TSHZ2: variants seen among roughly 807,000 people sequenced by gnomAD.
The protein encoded by TSHZ2 is teashirt zinc finger homeobox 2, also known as teashirt homolog 2.
In TSHZ2, 21 loss-of-function variants were observed where a neutral mutation model predicts 74.4. The observed-to-expected ratio is 0.28, with a 90% CI of 0.20 to 0.41. The LOEUF is 0.41. Among genes scored for constraint, TSHZ2 ranks in the 10% least tolerant of loss-of-function variants. The pLI, the probability that TSHZ2 is intolerant of heterozygous loss-of-function variation, is 1.00. For synonymous variants in TSHZ2, 540 were observed against 515.3 expected, an observed-to-expected ratio of 1.05 and a Z score of -0.65; for missense variants, 1,244 against 1,293.5, an observed-to-expected ratio of 0.96 and a Z score of 0.59.
chr20:53,363,171 T>C (rs1369555161), intron 2 of TSHZ2, among the ~76,000 whole-genome samples: 2 of 152,380 alleles, frequency 1.3e-5, no homozygotes. Flanking sequence ...CTGCCCATGG[T>C]GGGCCCTGCC....
intron 1 of TSHZ2, among the ~76,000 whole-genome samples, chr20:53,071,524 G>A (rs1483692524): frequency 6.6e-6 from 1 of 152,148 alleles, no homozygotes; most frequent in Non-Finnish European, 1.5e-5. Flanking sequence ...CTTCTTTCCT[G>A]TTCATGGGTC....
At chr20:53,338,940 C>A (rs1255761658) in intron 2 of TSHZ2, among the ~76,000 whole-genome samples, 1 of 152,182 alleles carries the variant, frequency 6.6e-6, no homozygotes, top group Non-Finnish European at 1.5e-5. Flanking sequence ...TGATGGGAAG[C>A]ACTGATGAAG....
chr20:53,229,824 G>A (rs1336631099), intron 1 of TSHZ2, among the ~76,000 whole-genome samples: 1 of 146,980 alleles, frequency 6.8e-6, no homozygotes, highest in East Asian at 2.0e-4. Flanking sequence ...AAAAAAAGAG[G>A]GAGGAAGAGA....
At chr20:53,443,932 C>T (rs995825221) in intron 2 of TSHZ2, among the ~76,000 whole-genome samples, 2 of 152,126 alleles carry the variant, frequency 1.3e-5, no homozygotes, top group African/African-American at 2.4e-5. Flanking sequence ...AGGGCATTCG[C>T]AGAGTGGATG....
At chr20:53,291,137 C>T (rs76234075) in intron 2 of TSHZ2, among the ~76,000 whole-genome samples, 2,322 of 152,228 alleles carry the variant, frequency 0.015, 71 homozygotes, top group African/African-American at 0.052. Context: ...CACCAATTCA[C>T]GGTGAGGGGT....
In TSHZ2 at chr20:53,488,071, T is replaced by C. The variant is rs1986342698; in HGVS notation, c.*936T>C. ...CCCTTTCTGCAGAACCTGATGTTTA[T>C]GGGCTCTAAAACGCAGCTTAGCTTT... On this transcript the variant is annotated 3_prime_UTR_variant, in exon 3 of 3. Coordinates refer to ENST00000371497, the MANE Select transcript of TSHZ2 (RefSeq NM_173485.6). 6.6e-6 allele frequency: 1 copy of C among 152,218 alleles called. No individual in the cohort carries two copies. Among genetic ancestry groups the C allele is most frequent in the South Asian group, 2.1e-4 (1 of 4,832 alleles). 9.4% of individuals were successfully genotyped at this position (152,218 alleles called of 1,614,324 possible). A position where few individuals can be genotyped will look rare whatever the true frequency, so the allele number is the denominator to read the frequency against.
intron 2 of TSHZ2, among the ~76,000 whole-genome samples, chr20:53,318,649 C>T (rs1979123527): frequency 6.6e-6 from 1 of 152,160 alleles, no homozygotes; most frequent in Non-Finnish European, 1.5e-5. Flanking sequence ...GAAGAAGGGA[C>T]AGTTGCTAGG....
At chr20:53,067,091 T>A (rs1985015097) in intron 1 of TSHZ2, among the ~76,000 whole-genome samples, 2 of 152,342 alleles carry the variant, frequency 1.3e-5, no homozygotes, top group African/African-American at 4.8e-5. Flanking sequence ...TCTATGTGGT[T>A]GGATGAGAAC....
At chr20:53,160,778 C>A (rs1255667112) in intron 1 of TSHZ2, among the ~76,000 whole-genome samples, 1 of 144,150 alleles carries the variant, frequency 6.9e-6, no homozygotes, top group African/African-American at 2.8e-5. Context: ...TTTCAGTTTG[C>A]CCTTTCTAGA....
chr20:53,177,661 C>A (rs1336230781), intron 1 of TSHZ2, among the ~76,000 whole-genome samples: 2 of 152,114 alleles, frequency 1.3e-5, no homozygotes, highest in Admixed American at 6.5e-5. Context: ...AGTATACAGA[C>A]AAATATGTTA....
At chr20:53,449,738 CA>C (rs1211649676) in intron 2 of TSHZ2, among the ~76,000 whole-genome samples, 3 of 150,848 alleles carry the variant, frequency 2.0e-5, no homozygotes, top group African/African-American at 4.9e-5. Flanking sequence ...ATTAATTATT[CA>C]TTTATTGATT....
chr20:53,342,630 C>T (rs567556370), intron 2 of TSHZ2, among the ~76,000 whole-genome samples: 15 of 152,222 alleles, frequency 9.9e-5, no homozygotes, highest in East Asian at 5.8e-4. Flanking sequence ...TAGACACTCA[C>T]GTATGCCCAT....
rs765271816 is a variant in TSHZ2 at position 53,256,282 on chromosome 20, A to G, written c.2824A>G (p.Ile942Val). 2 of 1,614,000 alleles carry G rather than the reference A, an allele frequency of 1.2e-6. No homozygotes were observed. The highest frequency in any genetic ancestry group is 1.7e-6 in the Non-Finnish European group (2 of 1,180,000). ...CCAGTTCAGAACCCCTTCTACCTAC[A>G]TCAGTCACTTAGAATCTCACCTGGG... ...ASQFRTPSTY[I>V]SHLESHLGFQ... Residue 942 changes from isoleucine (I) to valine (V), a missense_variant, in exon 2 of 3, where the codon ATC (isoleucine) becomes GTC (valine). Physicochemically the swap from Ile to Val is conservative, Grantham distance 29. This residue lies in a region of TSHZ2 where 185 missense variants were observed against 213.3 expected (regional missense o/e 0.87). Coordinates refer to ENST00000371497, the MANE Select transcript of TSHZ2 (RefSeq NM_173485.6). The surrounding 1 kb of genome is among the most constrained non-coding windows in gnomAD (Gnocchi z 4.3).
At chr20:53,469,899 G>GAGGAAGGAAGGA (rs747268726) in intron 2 of TSHZ2, among the ~76,000 whole-genome samples, 2 of 88,366 alleles carry the variant, frequency 2.3e-5, no homozygotes, top group African/African-American at 4.1e-5. Flanking sequence ...GAGAGGAAAG[G>GAGGAAGGAAGGA]AGGAAGGAAG....
intron 2 of TSHZ2, among the ~76,000 whole-genome samples, chr20:53,472,842 C>A (rs574466894): frequency 6.6e-6 from 1 of 151,880 alleles, no homozygotes; most frequent in African/African-American, 2.4e-5. Context: ...TTGCCTCACT[C>A]GGGAAGCGCA....
intron 2 of TSHZ2, among the ~76,000 whole-genome samples, chr20:53,410,649 T>C (rs939323904): frequency 6.7e-6 from 1 of 149,312 alleles, no homozygotes; most frequent in Non-Finnish European, 1.5e-5. Flanking sequence ...TTTATGAAAA[T>C]GTAAAATCCA....
chr20:53,328,341 GC>G (rs1979581803), intron 2 of TSHZ2, among the ~76,000 whole-genome samples: 1 of 152,226 alleles, frequency 6.6e-6, no homozygotes. Context: ...CACTGTGCAA[GC>G]AGCAGGATAT....
At chr20:53,037,200 G>T (rs1348979785) in intron 1 of TSHZ2, among the ~76,000 whole-genome samples, 1 of 152,188 alleles carries the variant, frequency 6.6e-6, no homozygotes, top group Non-Finnish European at 1.5e-5. Context: ...CCCTTGCCAG[G>T]TCACTCAGGC....
At chr20:53,397,238 C>T (rs1310874098) in intron 2 of TSHZ2, among the ~76,000 whole-genome samples, 3 of 152,160 alleles carry the variant, frequency 2.0e-5, no homozygotes, top group Admixed American at 1.3e-4. Flanking sequence ...TGACAGAGGG[C>T]TAATATCCAG....
Sources: allele counts gnomAD v4.1 joint callset (sites outside exome capture counted in the v4.1 genomes callset), GRCh38; gene constraint gnomAD v4.1.1; regional missense constraint gnomAD v4.1.1; non-coding constraint Gnocchi (gnomAD v3.1); transcripts MANE v1.5; gene names NCBI Gene and HGNC (gene_info 2026-07-23, HGNC 2026-07-21).